The following MRTFB variants were observed in gnomAD, a reference collection of about 807,000 sequenced individuals.
MRTFB encodes the protein myocardin related transcription factor B.
Under a neutral mutation model 104.2 loss-of-function variants are expected in MRTFB, and 29 were observed. The ratio of observed to expected loss-of-function variants is 0.28; its 90% CI spans 0.21 to 0.38. MRTFB has a LOEUF of 0.38. Ranked by LOEUF, MRTFB falls within the 10% of genes least tolerant of loss-of-function variation. The pLI, the probability that MRTFB is intolerant of heterozygous loss-of-function variation, is 1.00. For synonymous variants in MRTFB, 535 were observed against 519.5 expected, an observed-to-expected ratio of 1.03 and a Z score of -0.41; for missense variants, 1,270 against 1,341.6, an observed-to-expected ratio of 0.95 and a Z score of 0.83.
intron 3 of MRTFB, chr16:14,143,353 T>C (rs986925444): frequency 1.3e-5 from 2 of 152,118 alleles, no homozygotes; most frequent in Non-Finnish European, 1.5e-5. Flanking sequence ...CAAAAGATGT[T>C]TGATATTTTG....
chr16:14,240,992 G>A (rs2042742758), intron 10 of MRTFB: 1 of 504,578 alleles, frequency 2.0e-6, no homozygotes, highest in African/African-American at 2.0e-5. Flanking sequence ...CTCTTCATTG[G>A]AAGGTGAGAA....
intron 4 of MRTFB, among the ~76,000 whole-genome samples, chr16:14,211,622 T>C (rs2041193068): frequency 6.6e-6 from 1 of 152,154 alleles, no homozygotes; most frequent in Non-Finnish European, 1.5e-5. Context: ...CGGTTGTAGG[T>C]GACGATTTGG....
At chr16:14,225,799 T>C (rs2041977334) in intron 8 of MRTFB, among the ~76,000 whole-genome samples, 1 of 152,172 alleles carries the variant, frequency 6.6e-6, no homozygotes, top group South Asian at 2.1e-4. Context: ...AGAGATATTC[T>C]TTATATAGCA....
the MRTFB span, among the ~76,000 whole-genome samples, chr16:14,045,488 A>G: frequency 2.0e-5 from 3 of 152,224 alleles, no homozygotes; most frequent in African/African-American, 4.8e-5. Context: ...TAGAGAACAT[A>G]TATCAGCAGA....
chr16:14,180,976 G>C (rs2039749871), intron 3 of MRTFB, among the ~76,000 whole-genome samples: 1 of 152,122 alleles, frequency 6.6e-6, no homozygotes, highest in South Asian at 2.1e-4. Context: ...CCCTAGAAAG[G>C]TCAGAAAAAT....
At chr16:14,232,369 AGAAGTGATCAGCTAAC>A in intron 8 of MRTFB, among the ~76,000 whole-genome samples, 1 of 152,338 alleles carries the variant, frequency 6.6e-6, no homozygotes, top group African/African-American at 2.4e-5. Context: ...TATTCAGTAA[AGAAGTGATCAGCTAAC>A]ATCTTCCACT....
intron 15 of MRTFB, among the ~76,000 whole-genome samples, chr16:14,254,815 T>C (rs1401684065): frequency 6.6e-6 from 1 of 152,224 alleles, no homozygotes; most frequent in Non-Finnish European, 1.5e-5. Context: ...AAATGTAACC[T>C]ATCTCAAAGG....
chr16:14,255,103 T>C (rs935719640), intron 15 of MRTFB, among the ~76,000 whole-genome samples: 13 of 152,216 alleles, frequency 8.5e-5, no homozygotes, highest in African/African-American at 2.9e-4. Context: ...AGATCATAAC[T>C]TATCCAATCT....
chr16:14,253,644 G>A (rs1215101408), intron 15 of MRTFB, among the ~76,000 whole-genome samples: 2 of 152,190 alleles, frequency 1.3e-5, no homozygotes, highest in African/African-American at 4.8e-5. Context: ...GCTCAGTCCA[G>A]GCGACCTTGT....
chr16:14,129,621 G>T (rs889263691), intron 2 of MRTFB, among the ~76,000 whole-genome samples: 2 of 152,160 alleles, frequency 1.3e-5, no homozygotes, highest in Admixed American at 1.3e-4. Context: ...GGTAATGCCA[G>T]CCTGTTTTCC....
At chr16:14,180,472 A>G (rs191377303) in intron 3 of MRTFB, among the ~76,000 whole-genome samples, 196 of 152,366 alleles carry the variant, frequency 1.3e-3, no homozygotes, top group African/African-American at 4.4e-3. Context: ...CAGGACTTGA[A>G]TGACTTTTTC....
chr16:14,029,170 G>A, the MRTFB span, among the ~76,000 whole-genome samples: 21 of 151,582 alleles, frequency 1.4e-4, no homozygotes, highest in South Asian at 4.2e-4. Flanking sequence ...GTGTGGTGGC[G>A]CACACCTGTG....
At chr16:14,119,564 A>G (rs1201165703) in intron 2 of MRTFB, among the ~76,000 whole-genome samples, 3 of 152,244 alleles carry the variant, frequency 2.0e-5, no homozygotes, top group Non-Finnish European at 4.4e-5. Context: ...TTACTAGGAA[A>G]TAGTAGACCA....
At chr16:14,212,189 T>C (rs2041220120) in intron 4 of MRTFB, among the ~76,000 whole-genome samples, 165 bp from the exon 5 acceptor site, 1 of 152,228 alleles carries the variant, frequency 6.6e-6, no homozygotes, top group African/African-American at 2.4e-5. Context: ...TTTTATCCTG[T>C]AACATTTAAG....
At chr16:14,024,050 CAAA>C in the MRTFB span, among the ~76,000 whole-genome samples, 1 of 141,088 alleles carries the variant, frequency 7.1e-6, no homozygotes, top group Non-Finnish European at 1.6e-5. Flanking sequence ...GACTCCATCT[CAAA>C]AAAAAAAAAG....
chr16:14,138,772 C>G (rs947633973), intron 2 of MRTFB, among the ~76,000 whole-genome samples: 3 of 152,208 alleles, frequency 2.0e-5, no homozygotes, highest in Admixed American at 1.3e-4. Flanking sequence ...AGTAATAGAT[C>G]TATTTATGCA....
At chr16:14,144,389 T>C (rs2038182638) in intron 3 of MRTFB, 1 of 152,210 alleles carries the variant, frequency 6.6e-6, no homozygotes, top group Admixed American at 6.5e-5. Flanking sequence ...GGCATCCTTA[T>C]TTGGCTGTCA....
intron 3 of MRTFB, among the ~76,000 whole-genome samples, chr16:14,167,251 T>C (rs2039276063): frequency 6.6e-6 from 1 of 152,252 alleles, no homozygotes; most frequent in Non-Finnish European, 1.5e-5. Context: ...ATTTCTCTAA[T>C]GATCAGTGAT....
At chr16:14,025,250 G>T in the MRTFB span, among the ~76,000 whole-genome samples, 1 of 152,162 alleles carries the variant, frequency 6.6e-6, no homozygotes, top group Non-Finnish European at 1.5e-5. Context: ...GTGCAATCAT[G>T]GCTTATTGTA....
Sources: gnomAD v4.1 joint callset for allele counts (sites outside exome capture counted in the v4.1 genomes callset) on GRCh38, gnomAD v4.1.1 for gene constraint, MANE v1.5 for transcripts, NCBI Gene and HGNC (gene_info 2026-07-23, HGNC 2026-07-21) for gene names.